ZNF676: variants seen among roughly 807,000 people sequenced by gnomAD.
The protein encoded by ZNF676 is zinc finger protein 676.
In ZNF676, 4 loss-of-function variants were observed where a neutral mutation model predicts 6.0. The ratio of observed to expected loss-of-function variants is 0.67; its 90% CI spans 0.33 to 1.53. The LOEUF is 1.53. Ranked by LOEUF, ZNF676 falls within the 40% of genes most tolerant of loss-of-function variation. The pLI, the probability that ZNF676 is intolerant of heterozygous loss-of-function variation, is 0.06. For missense variants in ZNF676, 644 were observed against 679.7 expected (o/e 0.95, Z 0.58); for synonymous variants, 198 against 223.1 (o/e 0.89, Z 1.00).
Position 22,181,611 on chromosome 19 carries a change from TTAATC to T in ZNF676, c.131-30_131-26del, listed in dbSNP as rs776262842. 11 of 1,471,202 alleles carry T rather than the reference TTAATC, an allele frequency of 7.5e-6. No individual in the cohort carries two copies. The African/African-American group carries it at 1.3e-4, about 17-fold the overall frequency. The allele number at this position is 1,471,202 out of a possible 1,614,324, so 91.1% of individuals were successfully genotyped here. A position where few individuals can be genotyped will look rare whatever the true frequency, so the allele number is the denominator to read the frequency against. ...ACTGAAAAGAAATAAAAATAACAAATTAATCTACATATTAGACTCAGATAAGTACA... is the reference window on the plus strand; with the variant it reads ...ACTGAAAAGAAATAAAAATAACAAATTACATATTAGACTCAGATAAGTACA... On this transcript the variant is annotated intron_variant, in intron 2 of 2. Coordinates refer to ENST00000397121, the MANE Select transcript of ZNF676 (RefSeq NM_001001411.3).
chr19:22,242,039 T>G, the ZNF676 span, among the ~76,000 whole-genome samples: 1 of 151,492 alleles, frequency 6.6e-6, no homozygotes, highest in Non-Finnish European at 1.5e-5. Context: ...TGTGAGGGAG[T>G]GGAAATAATC....
At chr19:22,196,463 G>C in intron 1 of ZNF676, 137 bp downstream of exon 1, 1 of 1,529,670 alleles carries the variant, frequency 6.5e-7, no homozygotes, top group South Asian at 1.2e-5. Context: ...AGGAGTCCAC[G>C]ACCCCTTCTT....
the ZNF676 span, among the ~76,000 whole-genome samples, chr19:22,235,028 G>GAAAGAAAGAAAGAAAAGA: frequency 1.6e-5 from 1 of 62,352 alleles, no homozygotes; most frequent in Non-Finnish European, 3.2e-5. Context: ...AAGAAAGAAA[G>GAAAGAAAGAAAGAAAAGA]AAAGAAAAGA....
the ZNF676 span, among the ~76,000 whole-genome samples, chr19:22,227,377 T>C: frequency 6.6e-6 from 1 of 152,146 alleles, no homozygotes; most frequent in Non-Finnish European, 1.5e-5. Flanking sequence ...AGAGGGAAAC[T>C]TATAGCACTA....
the ZNF676 span, among the ~76,000 whole-genome samples, chr19:22,259,489 G>A: frequency 2.0e-5 from 3 of 152,244 alleles, no homozygotes; most frequent in East Asian, 3.9e-4. Context: ...GATGATTCTC[G>A]TGGGCAAGAA....
At chr19:22,215,739 CT>C in exon 1 of ZNF676, 1 of 1,429,446 alleles carries the variant, frequency 7.0e-7, no homozygotes, top group East Asian at 2.5e-5. Context: ...AGGACAAGGC[CT>C]TTACCTCCGG....
chr19:22,214,480 T>C (rs1444422272), intron 1 of ZNF676, among the ~76,000 whole-genome samples: 3 of 151,084 alleles, frequency 2.0e-5, no homozygotes, highest in Non-Finnish European at 2.9e-5. Context: ...ATGCCTGTAA[T>C]CCCAGCTACT....
chr19:22,181,638 T>C (rs1431375394), intron 2 of ZNF676, 52 bp from the exon 3 acceptor site: 35 of 1,366,496 alleles, frequency 2.6e-5, no homozygotes, highest in Non-Finnish European at 3.2e-5. Context: ...CTCAGATAAG[T>C]ACAGTTTCCA....
At chr19:22,234,997 AAAG>A in the ZNF676 span, among the ~76,000 whole-genome samples, 95 of 116,142 alleles carry the variant, frequency 8.2e-4, 1 homozygote, top group South Asian at 9.5e-3. Flanking sequence ...AGAAAGAAAG[AAAG>A]AAAGAAAGAA....
the ZNF676 span, among the ~76,000 whole-genome samples, chr19:22,251,630 A>G: frequency 6.6e-6 from 1 of 152,098 alleles, no homozygotes; most frequent in Admixed American, 6.6e-5. Flanking sequence ...TCTGCTAAAA[A>G]TACAAAAATT....
intron 2 of ZNF676, among the ~76,000 whole-genome samples, chr19:22,188,985 C>T (rs139123708): frequency 1.3e-5 from 2 of 151,622 alleles, no homozygotes; most frequent in African/African-American, 4.8e-5. Flanking sequence ...ACTTTCTTCA[C>T]AGAATTAGAA....
At chr19:22,239,540 T>C in the ZNF676 span, among the ~76,000 whole-genome samples, 1 of 152,184 alleles carries the variant, frequency 6.6e-6, no homozygotes, top group African/African-American at 2.4e-5. Flanking sequence ...TCTGTTTATA[T>C]GTGAAGGTGA....
the ZNF676 span, among the ~76,000 whole-genome samples, chr19:22,256,246 A>G: frequency 6.6e-6 from 1 of 152,346 alleles, no homozygotes; most frequent in African/African-American, 2.4e-5. Context: ...GAGATGGGAC[A>G]TGTAACCTGT....
the ZNF676 span, among the ~76,000 whole-genome samples, chr19:22,238,379 C>T: frequency 2.0e-5 from 3 of 152,110 alleles, no homozygotes; most frequent in African/African-American, 7.2e-5. Flanking sequence ...AGTCACTAAA[C>T]TCCTTGCCTC....
chr19:22,236,820 G>T, the ZNF676 span, among the ~76,000 whole-genome samples: 24 of 152,296 alleles, frequency 1.6e-4, no homozygotes, highest in Non-Finnish European at 3.2e-4. Context: ...GCCAATGCTG[G>T]AACTCTACAG....
chr19:22,199,487 T>C (rs535411733), upstream of ZNF676, among the ~76,000 whole-genome samples: 3 of 152,358 alleles, frequency 2.0e-5, no homozygotes, highest in African/African-American at 7.2e-5. Flanking sequence ...CTCAATAGGA[T>C]GTTAGAGTAC....
chr19:22,259,122 G>T, the ZNF676 span, among the ~76,000 whole-genome samples: 1 of 152,172 alleles, frequency 6.6e-6, no homozygotes, highest in Non-Finnish European at 1.5e-5. Context: ...GCCAGTAACA[G>T]GTAACAGGTA....
At chr19:22,237,808 T>C in the ZNF676 span, among the ~76,000 whole-genome samples, 13 of 152,310 alleles carry the variant, frequency 8.5e-5, no homozygotes, top group African/African-American at 2.9e-4. Context: ...GGTCCTCCCA[T>C]ACGTCCCCAT....
Position 22,179,748 on chromosome 19 carries a change from G to T in ZNF676, c.*202C>A. On this transcript the variant is annotated 3_prime_UTR_variant, in exon 3 of 3. Coordinates refer to ENST00000397121, the MANE Select transcript of ZNF676 (RefSeq NM_001001411.3). ...TTCTCTTATGTTCCACAAGGTTTGA[G>T]GACCGGTTGAAGCCTTTGTCACATT... 1.3e-6 allele frequency: 1 copy of T among 771,782 alleles called. No homozygotes were observed. Among genetic ancestry groups the T allele is most frequent in the South Asian group, 1.5e-5 (1 of 67,434 alleles). The allele number at this position is 771,782 out of a possible 1,614,324, so 47.8% of individuals were successfully genotyped here.
Sources: allele counts gnomAD v4.1 joint callset (sites outside exome capture counted in the v4.1 genomes callset), GRCh38; gene constraint gnomAD v4.1.1; transcripts MANE v1.5; gene names NCBI Gene and HGNC (gene_info 2026-07-23, HGNC 2026-07-21).